Variants in SETDB2 observed in about 807,000 individuals in gnomAD.
SETDB2 encodes the protein SET domain bifurcated histone lysine methyltransferase 2, also known as histone-lysine N-methyltransferase SETDB2.
SETDB2 carries 56 observed loss-of-function variants against 82.5 expected under a neutral mutation model. That is an observed-to-expected ratio of 0.68 (90% CI 0.55 to 0.85). The LOEUF is 0.85. SETDB2 is among the 40% of genes least tolerant of loss of function. The pLI is 0.00. For missense variants in SETDB2, 677 were observed against 816.4 expected (o/e 0.83, Z 2.08); for synonymous variants, 272 against 284.9 (o/e 0.95, Z 0.46).
intron 6 of SETDB2, among the ~76,000 whole-genome samples, chr13:49,478,163 C>G (rs1236593779): frequency 6.6e-6 from 1 of 152,148 alleles, no homozygotes; most frequent in Non-Finnish European, 1.5e-5. Flanking sequence ...CTACTGTTAC[C>G]TCAGTTTGGC....
At chr13:49,491,642 G>A in intron 13 of SETDB2, 90 bp from the exon 14 acceptor site, 1 of 848,684 alleles carries the variant, frequency 1.2e-6, no homozygotes, top group Non-Finnish European at 2.0e-6. Context: ...TTTTGAGGAT[G>A]GTTAATGTTA....
At chr13:49,479,739 C>T (rs1478904527) in intron 6 of SETDB2, among the ~76,000 whole-genome samples, 1 of 152,082 alleles carries the variant, frequency 6.6e-6, no homozygotes, top group Non-Finnish European at 1.5e-5. Context: ...CTTCCTGCCT[C>T]GCAACAGTAT....
intron 2 of SETDB2, 58 bp from the exon 3 acceptor site, chr13:49,460,049 A>C: frequency 6.6e-7 from 1 of 1,526,564 alleles, no homozygotes; most frequent in South Asian, 1.2e-5. Context: ...ACATGTTCTT[A>C]GATAAATTAT....
chr13:49,448,633 G>A (rs1459904926), intron 1 of SETDB2, among the ~76,000 whole-genome samples: 3 of 152,142 alleles, frequency 2.0e-5, no homozygotes, highest in Admixed American at 2.0e-4. Context: ...ACTATGCTCT[G>A]TGTAAACAGT....
At chr13:49,463,745 A>G (rs1566161244) in intron 4 of SETDB2, among the ~76,000 whole-genome samples, 1 of 152,226 alleles carries the variant, frequency 6.6e-6, no homozygotes, top group East Asian at 1.9e-4. Flanking sequence ...TAGATAAAAC[A>G]GAATACTTGA....
At chr13:49,490,013 A>G (rs1476779551) in intron 12 of SETDB2, among the ~76,000 whole-genome samples, 2 of 144,052 alleles carry the variant, frequency 1.4e-5, no homozygotes, top group Non-Finnish European at 3.0e-5. Context: ...GATGTGACTC[A>G]TGCCTGTAAT....
intron 2 of SETDB2, among the ~76,000 whole-genome samples, chr13:49,455,165 C>T (rs1320056024): frequency 6.6e-6 from 1 of 152,112 alleles, no homozygotes; most frequent in Non-Finnish European, 1.5e-5. Flanking sequence ...CTTCTACATT[C>T]AGTCTTCTGT....
chr13:49,467,305 G>A (rs1958135472), intron 4 of SETDB2, among the ~76,000 whole-genome samples: 1 of 152,054 alleles, frequency 6.6e-6, no homozygotes, highest in South Asian at 2.1e-4. Context: ...TGCGGCAGGA[G>A]AATCGTTTGA....
intron 5 of SETDB2, among the ~76,000 whole-genome samples, chr13:49,470,941 G>GT (rs751429190): frequency 1.6e-5 from 2 of 126,052 alleles, no homozygotes; most frequent in Non-Finnish European, 3.3e-5. Flanking sequence ...TTTTTGTGGG[G>GT]TTTTTTTGTT....
At chr13:49,477,128 T>G in intron 6 of SETDB2, 89 bp downstream of exon 6, 1 of 1,219,566 alleles carries the variant, frequency 8.2e-7, no homozygotes, top group African/African-American at 1.5e-5. Context: ...TTTGTCTATC[T>G]AAAACCTGTT....
chr13:49,491,231 A>G (rs1031754183), intron 13 of SETDB2, among the ~76,000 whole-genome samples: 1 of 152,242 alleles, frequency 6.6e-6, no homozygotes, highest in African/African-American at 2.4e-5. Context: ...TTTTTTAAAG[A>G]TATATACTAT....
At position 49,460,153 on chromosome 13, in the gene SETDB2, G is replaced by C. The variant is rs1177656932; in HGVS notation, c.63G>C (p.Val21=). 6.2e-7 allele frequency: 1 copy of C among 1,613,270 alleles called. No homozygotes were observed. Among genetic ancestry groups the C allele is most frequent in the South Asian group, 1.1e-5 (1 of 91,000 alleles). ...FWMELEDDGK[V]DFIFEQVQNV... is the part of the protein sequence containing the mutation. ...TGGAGCTAGAAGATGATGGAAAAGT[G>C]GACTTCATTTTTGAACAAGTACAAA... Residue 21 remains valine, a synonymous_variant, in exon 3 of 14, where the codon GTG becomes GTC. Coordinates refer to ENST00000611815, the MANE Select transcript of SETDB2 (RefSeq NM_001160308.3).
At chr13:49,461,524 G>T (rs1351215415) in intron 4 of SETDB2, among the ~76,000 whole-genome samples, 1 of 152,192 alleles carries the variant, frequency 6.6e-6, no homozygotes, top group Admixed American at 6.5e-5. Flanking sequence ...AGATAAGTTG[G>T]TGGGTAAATC....
intron 4 of SETDB2, among the ~76,000 whole-genome samples, chr13:49,467,134 A>G (rs1269286440): frequency 6.6e-6 from 1 of 152,132 alleles, no homozygotes; most frequent in Non-Finnish European, 1.5e-5. Flanking sequence ...ATGGTGGCTC[A>G]TACCTGTAAT....
At chr13:49,486,674 A>G (rs143851756) in intron 11 of SETDB2, among the ~76,000 whole-genome samples, 95 of 152,378 alleles carry the variant, frequency 6.2e-4, no homozygotes, top group African/African-American at 2.1e-3. Context: ...GCCGCAGAGC[A>G]TACTCAGCTT....
intron 10 of SETDB2, among the ~76,000 whole-genome samples, chr13:49,484,267 T>TTTTTG (rs1346797193): frequency 2.0e-5 from 3 of 152,002 alleles, no homozygotes; most frequent in African/African-American, 4.8e-5. Context: ...AGGTTTTTGT[T>TTTTTG]TTTTGTTTTG....
rs1242879831 is a variant in SETDB2, at chr13:49,451,685, C to T, written c.-209C>T. 3 of 393,274 alleles carry T rather than the reference C, an allele frequency of 7.6e-6. No homozygotes were observed. The highest frequency in any genetic ancestry group is 1.4e-5 in the Non-Finnish European group (3 of 216,870). 24.4% of individuals were successfully genotyped at this position (393,274 alleles called of 1,614,324 possible). ...GACTTGTCTTTTGGTTGGACTGTCA[C>T]TCATTTCTGAAAGTTTCTTCAGCCA... On this transcript the variant is annotated 5_prime_UTR_variant, in exon 2 of 14. Transcript: ENST00000611815.
At chr13:49,456,380 A>C (rs1957882247) in intron 2 of SETDB2, among the ~76,000 whole-genome samples, 1 of 152,196 alleles carries the variant, frequency 6.6e-6, no homozygotes, top group Non-Finnish European at 1.5e-5. Flanking sequence ...TATACCATGT[A>C]CTTGGCGTCC....
chr13:49,487,028 C>A (rs1179744671), intron 11 of SETDB2, among the ~76,000 whole-genome samples: 1 of 151,892 alleles, frequency 6.6e-6, no homozygotes, highest in African/African-American at 2.4e-5. Flanking sequence ...CATACCGTTG[C>A]TTTTGGTTCT....
Sources: gnomAD v4.1 joint callset for allele counts (sites outside exome capture counted in the v4.1 genomes callset) on GRCh38, gnomAD v4.1.1 for gene constraint, MANE v1.5 for transcripts, NCBI Gene and HGNC (gene_info 2026-07-23, HGNC 2026-07-21) for gene names.